The following NELL1 variants were observed in gnomAD, a reference collection of about 807,000 sequenced individuals.
The protein encoded by NELL1 is protein kinase C-binding protein NELL1.
Under a neutral mutation model 107.4 loss-of-function variants are expected in NELL1, and 76 were observed. The observed-to-expected ratio is 0.71, with a 90% CI of 0.59 to 0.86. NELL1 has a LOEUF of 0.86. Ranked by LOEUF, NELL1 falls within the 40% of genes least tolerant of loss-of-function variation. NELL1 has a pLI of 0.00. For missense variants in NELL1, 1,024 were observed against 1,005.5 expected (o/e 1.02, Z -0.25); for synonymous variants, 353 against 341.2 (o/e 1.03, Z -0.38).
chr11:21,232,179 A>ATATATATATATATATATATATATATATAT (rs1565122814), intron 14 of NELL1, among the ~76,000 whole-genome samples: 34 of 111,480 alleles, frequency 3.0e-4, no homozygotes, highest in Admixed American at 4.8e-4. Context: ...TATATATATA[A>ATATATATATATATATATATATATATATAT]ATTAGCTGGG....
chr11:21,445,254 T>C (rs995201875), intron 15 of NELL1, among the ~76,000 whole-genome samples: 3 of 152,210 alleles, frequency 2.0e-5, no homozygotes, highest in African/African-American at 7.2e-5. Flanking sequence ...CTGTACTTAC[T>C]GCTATACCAG....
intron 11 of NELL1, among the ~76,000 whole-genome samples, chr11:20,950,672 T>G (rs1851052207): frequency 6.6e-6 from 1 of 152,202 alleles, no homozygotes; most frequent in Admixed American, 6.5e-5. Context: ...TCAATTTCTA[T>G]GTAAAGTAAT....
intron 15 of NELL1, among the ~76,000 whole-genome samples, chr11:21,416,652 A>G (rs1590916017): frequency 6.6e-6 from 1 of 152,190 alleles, no homozygotes; most frequent in South Asian, 2.1e-4. Context: ...AGGATTTCCA[A>G]CCACTGCTAA....
At chr11:20,682,613 T>A (rs1590201660) in intron 2 of NELL1, among the ~76,000 whole-genome samples, 1 of 152,078 alleles carries the variant, frequency 6.6e-6, no homozygotes, top group East Asian at 1.9e-4. Context: ...ATAAACTGTG[T>A]ATTCAAAATA....
intron 15 of NELL1, among the ~76,000 whole-genome samples, chr11:21,419,993 G>A (rs767411124): frequency 6.6e-6 from 1 of 151,838 alleles, no homozygotes; most frequent in Non-Finnish European, 1.5e-5. Flanking sequence ...CATCTTATCT[G>A]CCTCTGTGTT....
chr11:21,242,069 TCA>T (rs1401552969), intron 14 of NELL1, among the ~76,000 whole-genome samples: 11 of 152,034 alleles, frequency 7.2e-5, no homozygotes, highest in African/African-American at 2.7e-4. Context: ...AATTTTTTTC[TCA>T]CTCTCAGCTC....
At chr11:20,961,069 G>T (rs1851280161) in intron 12 of NELL1, among the ~76,000 whole-genome samples, 2 of 152,228 alleles carry the variant, frequency 1.3e-5, no homozygotes, top group African/African-American at 4.8e-5. Flanking sequence ...TCTACTAAAA[G>T]TCACAGTAAT....
chr11:21,289,769 A>G (rs1209065774), intron 14 of NELL1, among the ~76,000 whole-genome samples: 1 of 152,200 alleles, frequency 6.6e-6, no homozygotes, highest in Non-Finnish European at 1.5e-5. Context: ...CCAGCACAGC[A>G]GTCTGAAGTC....
intron 13 of NELL1, among the ~76,000 whole-genome samples, chr11:21,225,797 T>C (rs773317106): frequency 3.9e-5 from 6 of 152,332 alleles, no homozygotes; most frequent in Non-Finnish European, 7.4e-5. Context: ...TACCTAACAC[T>C]TGTGGAGCAC....
At chr11:21,074,634 AG>A (rs1854091279) in intron 12 of NELL1, among the ~76,000 whole-genome samples, 1 of 151,426 alleles carries the variant, frequency 6.6e-6, no homozygotes, top group East Asian at 2.0e-4. Context: ...TCAGTCCTCC[AG>A]AGATACTGAT....
chr11:20,993,524 T>A (rs1473701066), intron 12 of NELL1, among the ~76,000 whole-genome samples: 1 of 152,150 alleles, frequency 6.6e-6, no homozygotes, highest in African/African-American at 2.4e-5. Context: ...TAGTAAAATG[T>A]ACATTCATCC....
chr11:21,561,171 G>A (rs1856842454), intron 17 of NELL1, among the ~76,000 whole-genome samples: 1 of 151,976 alleles, frequency 6.6e-6, no homozygotes, highest in South Asian at 2.1e-4. Flanking sequence ...TTATGTGCAT[G>A]GGAACCAAGA....
chr11:21,366,912 C>T (rs536305428), intron 14 of NELL1, among the ~76,000 whole-genome samples: 1 of 152,050 alleles, frequency 6.6e-6, no homozygotes, highest in African/African-American at 2.4e-5. Context: ...AGGGCTATTA[C>T]TTTTTATTAG....
At chr11:21,556,906 G>A (rs978301164) in intron 16 of NELL1, among the ~76,000 whole-genome samples, 2 of 151,914 alleles carry the variant, frequency 1.3e-5, no homozygotes, top group Admixed American at 1.3e-4. Context: ...AATACTTCGT[G>A]TAATTTTTCT....
rs569555792 is a variant in NELL1 at position 20,710,102 on chromosome 11, G to A, written c.184+32042G>A. On this transcript the variant is annotated intron_variant, in intron 2 of 19. Coordinates refer to ENST00000357134, the MANE Select transcript of NELL1 (RefSeq NM_006157.5). ...CAGTACTATGTTGCATAGAAGTGGT[G>A]AAAGTGAATATCCTTGTCTTGTTCC... Among the ~76,000 whole-genome samples, 4 of 152,306 alleles carry A rather than the reference G, an allele frequency of 2.6e-5. No homozygotes were observed. The South Asian group carries it at 6.2e-4, about 24-fold the overall frequency.
At chr11:20,801,696 A>G (rs1384507885) in intron 3 of NELL1, among the ~76,000 whole-genome samples, 1 of 152,134 alleles carries the variant, frequency 6.6e-6, no homozygotes, top group Non-Finnish European at 1.5e-5. Flanking sequence ...TTCTTTTAGT[A>G]GTTTAATAGT....
At chr11:21,049,029 C>T (rs576411392) in intron 12 of NELL1, among the ~76,000 whole-genome samples, 1 of 152,282 alleles carries the variant, frequency 6.6e-6, no homozygotes, top group Admixed American at 6.5e-5. Context: ...AACTGCCATG[C>T]AGTCACAATA....
chr11:21,051,231 CAGCA>C (rs1853485815), intron 12 of NELL1, among the ~76,000 whole-genome samples: 1 of 152,140 alleles, frequency 6.6e-6, no homozygotes, highest in African/African-American at 2.4e-5. Flanking sequence ...ATAGCATTCA[CAGCA>C]ACCTGGATGG....
intron 4 of NELL1, among the ~76,000 whole-genome samples, chr11:20,859,911 A>G (rs1848949252): frequency 6.6e-6 from 1 of 152,198 alleles, no homozygotes; most frequent in Non-Finnish European, 1.5e-5. Context: ...TGGTCATCCT[A>G]TTCCCTACCC....
Sources: gnomAD v4.1 joint callset for allele counts (sites outside exome capture counted in the v4.1 genomes callset) on GRCh38, gnomAD v4.1.1 for gene constraint, MANE v1.5 for transcripts, NCBI Gene and HGNC (gene_info 2026-07-23, HGNC 2026-07-21) for gene names.